FAM13A: variants seen among roughly 807,000 people sequenced by gnomAD.
The protein encoded by FAM13A is protein FAM13A.
Under a neutral mutation model 129.6 loss-of-function variants are expected in FAM13A, and 76 were observed. That is an observed-to-expected ratio of 0.59 (90% CI 0.49 to 0.71). The LOEUF is 0.71. Among genes scored for constraint, FAM13A ranks in the 30% least tolerant of loss-of-function variants. The pLI is 0.00. For missense variants in FAM13A, 1,108 were observed against 1,249.3 expected, an observed-to-expected ratio of 0.89 and a Z score of 1.70; for synonymous variants, 443 against 449.9, an observed-to-expected ratio of 0.98 and a Z score of 0.20.
chr4:88,743,229 T>C (rs973674582), intron 19 of FAM13A, among the ~76,000 whole-genome samples: 1 of 152,196 alleles, frequency 6.6e-6, no homozygotes, highest in Non-Finnish European at 1.5e-5. Context: ...CACTAGCCAA[T>C]AATTATCCAC....
chr4:89,041,089 G>A (rs1182421995), intron 1 of FAM13A, among the ~76,000 whole-genome samples: 1 of 152,198 alleles, frequency 6.6e-6, no homozygotes, highest in Admixed American at 6.5e-5. Context: ...AGTGTTATGA[G>A]TGTGAGTATA....
chr4:88,800,696 C>CAA (rs1185321303), intron 8 of FAM13A, among the ~76,000 whole-genome samples: 16 of 54,148 alleles, frequency 3.0e-4, no homozygotes, highest in Admixed American at 2.8e-3. Flanking sequence ...GAAACAAAAA[C>CAA]AAAAAAAAAA....
Position 88,728,179 on chromosome 4 carries a change from AAGAAC to A in FAM13A, c.*349_*353del, listed in dbSNP as rs1736783129. ...TCTCTTGTTTCTCAGTTATCCAGGG[AAGAAC>A]AGTGTATATTCTCTGTAGATGAGTG... On this transcript the variant is annotated 3_prime_UTR_variant, in exon 24 of 24. Transcript: ENST00000264344. 4.7e-6 allele frequency: 1 copy of A among 213,860 alleles called. No individual in the cohort carries two copies. The highest frequency in any genetic ancestry group is 9.4e-6 in the Non-Finnish European group (1 of 106,516). 13.2% of individuals were successfully genotyped at this position (213,860 alleles called of 1,614,324 possible).
rs35309967 is a variant in FAM13A at position 88,780,911 on chromosome 4, G to GA, written c.1458+253dup. Among the ~76,000 whole-genome samples, 7 of 150,986 alleles carry GA rather than the reference G, an allele frequency of 4.6e-5. No individual in the cohort carries two copies. In the East Asian group the frequency reaches 9.8e-4, roughly 21 times the overall value. ...TCAAAAACAAAATTTAAAAATGCTT[G>GA]AAAAAAAAGAGAAAAAAACAATGGA... On this transcript the variant is annotated intron_variant, in intron 11 of 23. Transcript: ENST00000264344.
rs1560826870 is a variant in FAM13A at position 88,731,307 on chromosome 4, TG to T, written c.2945+19del. The stretch of plus-strand genomic sequence containing the variant: ...TGGTGCGGCGGGGGGGAAGGGAGGG[TG>T]GGGGAAGACAGGCACTACCTTCCAT... On this transcript the variant is annotated intron_variant, in intron 23 of 23. Coordinates refer to ENST00000264344, the MANE Select transcript of FAM13A (RefSeq NM_014883.4). 3 of 990,756 alleles carry T rather than the reference TG, an allele frequency of 3.0e-6. No individual in the cohort carries two copies. Among genetic ancestry groups the T allele is most frequent in the African/African-American group, 2.3e-5 (1 of 43,586 alleles). The allele number at this position is 990,756 out of a possible 1,614,324, so 61.4% of individuals were successfully genotyped here.
intron 7 of FAM13A, among the ~76,000 whole-genome samples, chr4:88,834,171 C>T (rs151297191): frequency 0.017 from 2,462 of 144,964 alleles, 74 homozygotes; most frequent in African/African-American, 0.06. Context: ...CTCAGCCTCC[C>T]AAAGTGCTGG....
At chr4:89,012,849 C>A (rs1213685212) in intron 3 of FAM13A, among the ~76,000 whole-genome samples, 1 of 151,738 alleles carries the variant, frequency 6.6e-6, no homozygotes, top group East Asian at 1.9e-4. Flanking sequence ...GGATATAATT[C>A]AAAGGCCTAC....
chr4:88,750,910 G>C (rs141068451), intron 14 of FAM13A, among the ~76,000 whole-genome samples: 3 of 152,192 alleles, frequency 2.0e-5, no homozygotes, highest in Admixed American at 6.5e-5. Flanking sequence ...AGCCTTGAAG[G>C]GGGGAAGCCC....
chr4:89,005,383 G>GC (rs1453270912), intron 3 of FAM13A, among the ~76,000 whole-genome samples: 1 of 152,166 alleles, frequency 6.6e-6, no homozygotes, highest in African/African-American at 2.4e-5. Context: ...AAATTCACAT[G>GC]CATGTGTCTT....
intron 1 of FAM13A, among the ~76,000 whole-genome samples, chr4:89,035,064 C>A (rs550400683): frequency 1.3e-5 from 2 of 152,244 alleles, no homozygotes; most frequent in East Asian, 1.9e-4. Context: ...AGAATGAAAT[C>A]ATGTCCTCTG....
intron 4 of FAM13A, among the ~76,000 whole-genome samples, chr4:88,974,455 C>G (rs74552809): frequency 3.3e-5 from 5 of 152,050 alleles, no homozygotes; most frequent in Non-Finnish European, 7.4e-5. Flanking sequence ...AGACCAGGAA[C>G]CAAAAGTCAC....
chr4:88,814,002 T>C (rs147127966), intron 7 of FAM13A, among the ~76,000 whole-genome samples: 6 of 152,164 alleles, frequency 3.9e-5, no homozygotes, highest in African/African-American at 9.6e-5. Context: ...AACCTGAAAT[T>C]TGATTATTAT....
chr4:88,869,229 G>A (rs1252524825), intron 6 of FAM13A, among the ~76,000 whole-genome samples: 3 of 152,134 alleles, frequency 2.0e-5, no homozygotes, highest in African/African-American at 7.2e-5. Flanking sequence ...GCCTTCTTCT[G>A]ATTATATTCA....
intron 4 of FAM13A, among the ~76,000 whole-genome samples, chr4:88,964,524 T>A (rs1759080526): frequency 7.0e-6 from 1 of 142,834 alleles, no homozygotes; most frequent in South Asian, 2.2e-4. Flanking sequence ...TTTCTGGAAA[T>A]TTTTTTTTTT....
chr4:88,971,828 T>C (rs912265906), intron 4 of FAM13A, among the ~76,000 whole-genome samples: 5 of 152,164 alleles, frequency 3.3e-5, no homozygotes, highest in Non-Finnish European at 5.9e-5. Flanking sequence ...CTATTTTTAA[T>C]ATCAAATTAC....
chr4:89,006,776 T>G (rs957760050), intron 3 of FAM13A, among the ~76,000 whole-genome samples: 2 of 152,122 alleles, frequency 1.3e-5, no homozygotes, highest in Non-Finnish European at 2.9e-5. Flanking sequence ...GGAAGGTGGC[T>G]CTCAGCGGAA....
chr4:89,004,696 TGAG>T, intron 3 of FAM13A, among the ~76,000 whole-genome samples: 1 of 151,990 alleles, frequency 6.6e-6, no homozygotes, highest in South Asian at 2.1e-4. Flanking sequence ...GCAGAAAAAA[TGAG>T]GAGAATCACA....
At chr4:89,056,354 T>C (rs1427132504) in intron 1 of FAM13A, among the ~76,000 whole-genome samples, 4 of 152,164 alleles carry the variant, frequency 2.6e-5, no homozygotes, top group Admixed American at 1.3e-4. Context: ...TTCCCAAGGA[T>C]TTTATTTCAG....
chr4:88,907,463 T>C (rs1748354141), intron 5 of FAM13A, among the ~76,000 whole-genome samples: 1 of 152,228 alleles, frequency 6.6e-6, no homozygotes, highest in Non-Finnish European at 1.5e-5. Flanking sequence ...TAGACTTATA[T>C]TCATTTATTT....
Sources: allele counts gnomAD v4.1 joint callset (sites outside exome capture counted in the v4.1 genomes callset), GRCh38; gene constraint gnomAD v4.1.1; transcripts MANE v1.5; gene names NCBI Gene and HGNC (gene_info 2026-07-23, HGNC 2026-07-21).